PACS1: variants seen among roughly 807,000 people sequenced by gnomAD.
The protein encoded by PACS1 is PACS-1.
PACS1 carries 24 observed loss-of-function variants against 115.0 expected under a neutral mutation model. The observed-to-expected ratio is 0.21, with a 90% CI of 0.15 to 0.29. The LOEUF (loss-of-function observed/expected upper bound fraction) is 0.29, where lower values mean the gene tolerates loss of function less well. Among genes scored for constraint, PACS1 ranks in the 10% least tolerant of loss-of-function variants. PACS1 has a pLI of 1.00. For missense variants in PACS1, 838 were observed against 1,251.2 expected (o/e 0.67, Z 4.98); for synonymous variants, 453 against 504.5 (o/e 0.90, Z 1.37).
intron 2 of PACS1, among the ~76,000 whole-genome samples, chr11:66,206,042 G>A (rs1411829047): frequency 6.6e-6 from 1 of 152,114 alleles, no homozygotes; most frequent in Non-Finnish European, 1.5e-5. Flanking sequence ...CAGCCACTGG[G>A]GAGGCTGAGG....
At position 66,110,292 on chromosome 11, in the gene PACS1, A is replaced by T. The variant is rs574984159; in HGVS notation, c.356+39450A>T. Among the ~76,000 whole-genome samples the T allele has an allele frequency of 1.3e-3, 181 of 143,224 alleles. No homozygotes were observed. In the Middle Eastern group the frequency reaches 0.014, roughly 11 times the overall value. The allele number at this position is 143,224 out of a possible 152,430, so 94.0% of individuals were successfully genotyped here. ...ACTCATATCAAATGTCTCCTGATTT[A>T]AAAAAAAAAATTTTTTTTATACATA... On this transcript the variant is annotated intron_variant, in intron 1 of 23. Coordinates refer to ENST00000320580, the MANE Select transcript of PACS1 (RefSeq NM_018026.4).
chr11:66,123,955 G>C (rs1476442765), intron 1 of PACS1, among the ~76,000 whole-genome samples: 1 of 151,732 alleles, frequency 6.6e-6, no homozygotes, highest in African/African-American at 2.4e-5. Flanking sequence ...TTGCGTTATT[G>C]CAGTGGTCTG....
chr11:66,190,309 T>C (rs1854486618), intron 1 of PACS1, among the ~76,000 whole-genome samples: 1 of 152,218 alleles, frequency 6.6e-6, no homozygotes, highest in Non-Finnish European at 1.5e-5. Context: ...TTCAGTCTTT[T>C]CCATTGGCTC....
intron 1 of PACS1, among the ~76,000 whole-genome samples, chr11:66,175,475 C>A (rs1236867416): frequency 6.6e-6 from 1 of 152,158 alleles, no homozygotes; most frequent in Non-Finnish European, 1.5e-5. Flanking sequence ...CCTGTTCTGT[C>A]TATTTCCTTG....
intron 1 of PACS1, among the ~76,000 whole-genome samples, chr11:66,081,066 A>C (rs192460379): frequency 5.3e-4 from 81 of 152,032 alleles, no homozygotes; most frequent in Non-Finnish European, 9.4e-4. Flanking sequence ...CCGTCTGTAC[A>C]AAAAATAGAA....
At chr11:66,225,337 G>A (rs1212828988) in intron 10 of PACS1, among the ~76,000 whole-genome samples, 1 of 152,176 alleles carries the variant, frequency 6.6e-6, no homozygotes, top group African/African-American at 2.4e-5. Context: ...CACAGCTGGA[G>A]TCCTGCTGGT....
chr11:66,233,726 C>T lies in PACS1; in HGVS notation c.1839-59C>T. On this transcript the variant is annotated intron_variant, in intron 15 of 23. Coordinates refer to ENST00000320580, the MANE Select transcript of PACS1 (RefSeq NM_018026.4). This position sits in a 1 kb window ranked among gnomAD's most constrained non-coding sequence, Gnocchi z 4.5. Reference sequence around the variant, plus strand: ...ATCACAGAAAGTCAGCTCTGGGCCTCCCCCGGGCAGGATCCTGGCACCCCT... The same window carrying T: ...ATCACAGAAAGTCAGCTCTGGGCCTTCCCCGGGCAGGATCCTGGCACCCCT... 1 of 1,525,178 alleles carries T rather than the reference C, an allele frequency of 6.6e-7. No individual in the cohort carries two copies. The highest frequency in any genetic ancestry group is 1.3e-5 in the South Asian group (1 of 78,956). The allele number at this position is 1,525,178 out of a possible 1,614,324, so 94.5% of individuals were successfully genotyped here.
chr11:66,220,208 G>T (rs1855310070), intron 8 of PACS1: 1 of 305,176 alleles, frequency 3.3e-6, no homozygotes, highest in Admixed American at 4.7e-5. Flanking sequence ...GAATGGGGCT[G>T]CTGAGAGAGA....
chr11:66,138,233 A>G (rs1260479087), intron 1 of PACS1, among the ~76,000 whole-genome samples: 1 of 152,014 alleles, frequency 6.6e-6, no homozygotes, highest in African/African-American at 2.4e-5. Context: ...ATAGGACTGT[A>G]GACTTCTGCC....
intron 1 of PACS1, among the ~76,000 whole-genome samples, chr11:66,129,880 TG>T (rs1449601675): frequency 6.6e-6 from 1 of 152,172 alleles, no homozygotes; most frequent in Non-Finnish European, 1.5e-5. Context: ...CTAGAATAAA[TG>T]ATGTTAGGAG....
intron 1 of PACS1, among the ~76,000 whole-genome samples, chr11:66,096,228 T>G (rs1419989204): frequency 1.8e-5 from 2 of 111,170 alleles, no homozygotes; most frequent in African/African-American, 5.9e-5. Flanking sequence ...TTTTTTTTTT[T>G]TTTTTGATGT....
intron 4 of PACS1, among the ~76,000 whole-genome samples, chr11:66,215,239 C>T (rs1441299456): frequency 1.3e-5 from 2 of 151,938 alleles, no homozygotes; most frequent in African/African-American, 4.8e-5. Context: ...GCCCGAGCAG[C>T]CATTTTCAAT....
intron 1 of PACS1, among the ~76,000 whole-genome samples, chr11:66,123,528 A>T (rs187903878): frequency 2.9e-3 from 436 of 148,000 alleles, no homozygotes; most frequent in African/African-American, 0.01. Context: ...TTATTTATTT[A>T]TTTATTTTTT....
intron 1 of PACS1, among the ~76,000 whole-genome samples, chr11:66,147,897 C>T (rs1212289358): frequency 6.6e-6 from 1 of 152,054 alleles, no homozygotes; most frequent in African/African-American, 2.4e-5. Flanking sequence ...CCCATTTACC[C>T]TGATGTGATT....
intron 1 of PACS1, among the ~76,000 whole-genome samples, chr11:66,104,494 G>T (rs1590747167): frequency 6.6e-6 from 1 of 152,156 alleles, no homozygotes; most frequent in African/African-American, 2.4e-5. Flanking sequence ...GTTGTGTATG[G>T]CTGCTTTCAT....
At chr11:66,228,482 A>T (rs1012679420) in intron 11 of PACS1, among the ~76,000 whole-genome samples, 1 of 152,228 alleles carries the variant, frequency 6.6e-6, no homozygotes, top group African/African-American at 2.4e-5. Flanking sequence ...TAATCTGAAT[A>T]ATCCTACTTC....
intron 17 of PACS1, among the ~76,000 whole-genome samples, chr11:66,234,590 C>T (rs1277514957): frequency 2.0e-5 from 3 of 152,196 alleles, no homozygotes; most frequent in Non-Finnish European, 4.4e-5. Context: ...AAATGAATAG[C>T]ACCCCACCAA....
intron 1 of PACS1, among the ~76,000 whole-genome samples, chr11:66,140,259 C>CA (rs1858946907): frequency 6.6e-6 from 1 of 152,226 alleles, no homozygotes; most frequent in South Asian, 2.1e-4. Flanking sequence ...TTTAGCTCTA[C>CA]AGCTGTGCTT....
In PACS1 at chr11:66,233,866, G is replaced by T; in HGVS notation, c.1920G>T (p.Arg640Ser). 1.2e-6 allele frequency: 2 copies of T among 1,608,330 alleles called. No homozygotes were observed. The highest frequency in any genetic ancestry group is 1.7e-6 in the Non-Finnish European group (2 of 1,176,962). Residue 640 changes from arginine to serine, a missense_variant, in exon 16 of 24, where the codon AGG becomes AGT. Arg to Ser is a moderately radical substitution (Grantham distance 110). This residue lies in a region of PACS1 where 383 missense variants were observed against 537.0 expected (regional missense o/e 0.71). Transcript: ENST00000320580. This position sits in a 1 kb window ranked among gnomAD's most constrained non-coding sequence, Gnocchi z 4.5. The part of the protein sequence containing the change: ...GGQSYLSSIL[R>S]FFVKSLANKT... The stretch of plus-strand genomic sequence containing the variant: ...AGAGCTACCTGAGCTCCATCCTCAG[G>T]TTCTTTGTCAAGTCCCTGGCCAACA...
Sources: allele counts gnomAD v4.1 joint callset (sites outside exome capture counted in the v4.1 genomes callset), GRCh38; gene constraint gnomAD v4.1.1; regional missense constraint gnomAD v4.1.1; non-coding constraint Gnocchi (gnomAD v3.1); transcripts MANE v1.5; gene names NCBI Gene and HGNC (gene_info 2026-07-23, HGNC 2026-07-21).